ANK3: variants seen among roughly 807,000 people sequenced by gnomAD.
The protein encoded by ANK3 is ankyrin-3.
In ANK3, 57 loss-of-function variants were observed where a neutral mutation model predicts 370.9. The ratio of observed to expected loss-of-function variants is 0.15; its 90% CI spans 0.12 to 0.19. ANK3 has a LOEUF of 0.19. Ranked by LOEUF, ANK3 falls within the 10% of genes least tolerant of loss-of-function variation. The pLI is 1.00. For synonymous variants in ANK3, 1,929 were observed against 1,946.3 expected, an observed-to-expected ratio of 0.99 and a Z score of 0.23; for missense variants, 4,439 against 5,302.1, an observed-to-expected ratio of 0.84 and a Z score of 5.06.
intron 1 of ANK3, among the ~76,000 whole-genome samples, chr10:60,666,915 TG>T (rs1318758094): frequency 6.6e-6 from 1 of 152,054 alleles, no homozygotes; most frequent in Non-Finnish European, 1.5e-5. Flanking sequence ...AATGCTTAGA[TG>T]TTTTAATTTT....
chr10:60,500,783 T>A (rs2075776153), intron 2 of ANK3, among the ~76,000 whole-genome samples: 1 of 152,164 alleles, frequency 6.6e-6, no homozygotes, highest in Non-Finnish European at 1.5e-5. Context: ...AATGCCAAAG[T>A]GTAAGAACCA....
intron 1 of ANK3, among the ~76,000 whole-genome samples, chr10:60,719,949 A>C (rs2079840867): frequency 6.6e-6 from 1 of 152,214 alleles, no homozygotes; most frequent in Non-Finnish European, 1.5e-5. Flanking sequence ...AATAGAAGAG[A>C]GATTAGCTTC....
chr10:60,323,873 G>A (rs189323289), intron 1 of ANK3, among the ~76,000 whole-genome samples: 1 of 152,148 alleles, frequency 6.6e-6, no homozygotes, highest in African/African-American at 2.4e-5. Context: ...GCCAGGGCAA[G>A]TCAGACCAGA....
At chr10:60,699,241 T>C (rs928838427) in intron 1 of ANK3, among the ~76,000 whole-genome samples, 22 of 151,876 alleles carry the variant, frequency 1.4e-4, no homozygotes, top group South Asian at 4.2e-4. Context: ...CTTATTCATG[T>C]AACCAAACAC....
chr10:60,066,669 A>G (rs1197897224), intron 38 of ANK3, among the ~76,000 whole-genome samples: 1 of 152,132 alleles, frequency 6.6e-6, no homozygotes, highest in Non-Finnish European at 1.5e-5. Context: ...CCTATTATCT[A>G]GTTTCATATT....
intron 1 of ANK3, among the ~76,000 whole-genome samples, chr10:60,387,982 T>C (rs1041097452): frequency 1.9e-4 from 29 of 152,172 alleles, no homozygotes; most frequent in Admixed American, 6.5e-5. Flanking sequence ...GAAGCTAGTT[T>C]ATCACGGTGG....
intron 1 of ANK3, among the ~76,000 whole-genome samples, chr10:60,359,075 C>T (rs2058220688): frequency 1.3e-5 from 2 of 152,102 alleles, no homozygotes; most frequent in Admixed American, 1.3e-4. Flanking sequence ...GCTATAAGCC[C>T]TATTCTTGCA....
At chr10:60,326,793 G>A (rs527675397) in intron 1 of ANK3, among the ~76,000 whole-genome samples, 2 of 152,210 alleles carry the variant, frequency 1.3e-5, no homozygotes, top group East Asian at 1.9e-4. Flanking sequence ...AGGCCGAGGC[G>A]GGCGGATCAC....
At chr10:60,714,562 C>T (rs1589066815) in intron 1 of ANK3, among the ~76,000 whole-genome samples, 3 of 152,106 alleles carry the variant, frequency 2.0e-5, no homozygotes, top group African/African-American at 4.8e-5. Context: ...TCCATGTATG[C>T]AAGACTGATT....
intron 5 of ANK3, among the ~76,000 whole-genome samples, chr10:60,268,919 T>C (rs2097919611): frequency 1.3e-5 from 2 of 152,342 alleles, no homozygotes; most frequent in Admixed American, 1.3e-4. Context: ...ATATTTATGT[T>C]TGTTTGTGTA....
intron 1 of ANK3, among the ~76,000 whole-genome samples, chr10:60,340,784 C>T (rs1489419782): frequency 6.6e-6 from 1 of 152,118 alleles, no homozygotes; most frequent in African/African-American, 2.4e-5. Flanking sequence ...ACGGTGGCAA[C>T]GCTGAGCAGC....
intron 2 of ANK3, among the ~76,000 whole-genome samples, chr10:60,579,363 T>G (rs2077721961): frequency 6.8e-6 from 1 of 147,228 alleles, no homozygotes; most frequent in Non-Finnish European, 1.5e-5. Context: ...TATTTCTAGT[T>G]GCAAAATAAA....
chr10:60,652,942 A>G (rs1198326415), intron 1 of ANK3, among the ~76,000 whole-genome samples: 1 of 152,134 alleles, frequency 6.6e-6, no homozygotes, highest in Non-Finnish European at 1.5e-5. Context: ...ACCACTCACG[A>G]TGGTGAGCCT....
intron 2 of ANK3, among the ~76,000 whole-genome samples, chr10:60,540,957 C>T (rs1366791335): frequency 6.6e-6 from 1 of 151,714 alleles, no homozygotes; most frequent in Non-Finnish European, 1.5e-5. Context: ...ATAGTATCAT[C>T]TAAGTGAAAA....
intron 2 of ANK3, among the ~76,000 whole-genome samples, chr10:60,406,943 T>C (rs2063468453): frequency 6.6e-6 from 1 of 152,246 alleles, no homozygotes; most frequent in Non-Finnish European, 1.5e-5. Flanking sequence ...AGCCGTTTAA[T>C]GTCATTTGAC....
chr10:60,553,502 G>A (rs1362363485), intron 2 of ANK3, among the ~76,000 whole-genome samples: 1 of 152,202 alleles, frequency 6.6e-6, no homozygotes, highest in East Asian at 1.9e-4. Context: ...TTGGAAATCT[G>A]AAATTCTACC....
intron 1 of ANK3, among the ~76,000 whole-genome samples, chr10:60,618,501 C>T (rs2078293732): frequency 6.6e-6 from 1 of 152,114 alleles, no homozygotes; most frequent in African/African-American, 2.4e-5. Flanking sequence ...AAAAAACTCT[C>T]ATAGCTTTGG....
At chr10:60,486,877 G>A (rs969145957) in intron 2 of ANK3, among the ~76,000 whole-genome samples, 2 of 152,060 alleles carry the variant, frequency 1.3e-5, no homozygotes, top group African/African-American at 4.8e-5. Flanking sequence ...TAAAAGATAC[G>A]TTTCAAACTG....
At chr10:60,355,717 C>T (rs1472408343) in intron 1 of ANK3, among the ~76,000 whole-genome samples, 1 of 152,174 alleles carries the variant, frequency 6.6e-6, no homozygotes, top group Non-Finnish European at 1.5e-5. Flanking sequence ...AGGTGCACTT[C>T]AAACCTTCCC....
Sources: gnomAD v4.1 joint callset for allele counts (sites outside exome capture counted in the v4.1 genomes callset) on GRCh38, gnomAD v4.1.1 for gene constraint, MANE v1.5 for transcripts, NCBI Gene and HGNC (gene_info 2026-07-23, HGNC 2026-07-21) for gene names.